Variants in MED17 observed in about 807,000 individuals in gnomAD.
MED17 encodes mediator of RNA polymerase II transcription subunit 17.
MED17 carries 49 observed loss-of-function variants against 80.8 expected under a neutral mutation model. The observed-to-expected ratio is 0.61, with a 90% CI of 0.48 to 0.77. MED17 has a LOEUF of 0.77. Ranked by LOEUF, MED17 falls within the 30% of genes least tolerant of loss-of-function variation. The pLI is 0.00. For missense variants in MED17, 718 were observed against 787.0 expected (o/e 0.91, Z 1.05); for synonymous variants, 281 against 280.4 (o/e 1.00, Z -0.02).
chr11:93,785,063 G>A lies in MED17; in HGVS notation c.250+300G>A, dbSNP rs542162878. ...GGCCTTTAATGTAGCACACTTAGTG[G>A]CTAAAAGAGCCCTAGATCGGGGCTC... On this transcript the variant is annotated intron_variant, in intron 1 of 11. Transcript: ENST00000251871. 11 of 488,598 alleles carry A rather than the reference G, an allele frequency of 2.3e-5. No individual in the cohort carries two copies. In the East Asian group the frequency reaches 4.1e-4, roughly 18 times the overall value. 30.3% of individuals were successfully genotyped at this position (488,598 alleles called of 1,614,324 possible). A position where few individuals can be genotyped will look rare whatever the true frequency, so the allele number is the denominator to read the frequency against.
intron 3 of MED17, among the ~76,000 whole-genome samples, chr11:93,791,540 A>G (rs973165018): frequency 1.3e-5 from 2 of 152,084 alleles, no homozygotes; most frequent in South Asian, 4.1e-4. Context: ...CTTCATCTCT[A>G]CAAAAAATAC....
chr11:93,790,577 C>A lies in MED17; in HGVS notation c.421C>A (p.Pro141Thr). The stretch of plus-strand genomic sequence containing the variant: ...ATGTTTGGGTTGTTTTTGACAGAAT[C>A]CTCAGACGTTGCAATTGATATCTAA... ...SQDALPPKQN[P>T]QTLQLISKKK... Residue 141 changes from proline (P) to threonine (T), a missense_variant, in exon 3 of 12, where the codon CCT (proline) becomes ACT (threonine). Pro to Thr is a conservative substitution (Grantham distance 38). Transcript: ENST00000251871. The A allele has an allele frequency of 6.2e-7, 1 of 1,613,662 alleles. No homozygotes were observed. Among genetic ancestry groups the A allele is most frequent in the South Asian group, 1.1e-5 (1 of 91,012 alleles).
At chr11:93,794,887 C>T (rs762043140) in intron 5 of MED17, 21 bp from the exon 6 acceptor site, 10 of 1,611,780 alleles carry the variant, frequency 6.2e-6, no homozygotes, top group Non-Finnish European at 6.8e-6. Flanking sequence ...ATAATTGATA[C>T]ATATATTTCT....
chr11:93,795,181 CCATAG>C, intron 6 of MED17, 121 bp downstream of exon 6: 2 of 1,085,292 alleles, frequency 1.8e-6, no homozygotes, highest in Admixed American at 3.4e-5. Flanking sequence ...AGTGTGCTAT[CCATAG>C]TGACAGCCAG....
chr11:93,797,500 TG>T, intron 7 of MED17, 34 bp from the exon 8 acceptor site: 1 of 1,561,632 alleles, frequency 6.4e-7, no homozygotes, highest in Non-Finnish European at 8.8e-7. Context: ...ATTTACTATG[TG>T]GATATTGGTA....
intron 9 of MED17, among the ~76,000 whole-genome samples, chr11:93,803,945 A>G (rs1178110881): frequency 6.7e-6 from 1 of 149,730 alleles, no homozygotes; most frequent in Non-Finnish European, 1.5e-5. Flanking sequence ...AGAGGGACAG[A>G]ACTAATGGAA....
intron 3 of MED17, chr11:93,793,486 T>C (rs547443118): frequency 2.2e-5 from 9 of 412,014 alleles, no homozygotes; most frequent in African/African-American, 1.0e-4. Flanking sequence ...GGAATTCTTA[T>C]TATGTTGATG....
chr11:93,804,946 G>A (rs1043793484), intron 9 of MED17, among the ~76,000 whole-genome samples: 7 of 152,224 alleles, frequency 4.6e-5, no homozygotes, highest in Non-Finnish European at 7.3e-5. Context: ...TTACAGAGTA[G>A]TAGACCCTTT....
At chr11:93,807,871 T>G in intron 10 of MED17, 1 of 525,736 alleles carries the variant, frequency 1.9e-6, no homozygotes, top group East Asian at 3.5e-5. Flanking sequence ...GAAGGACCAG[T>G]TCTGAGACTA....
chr11:93,806,416 A>G (rs191337292), intron 9 of MED17: 2 of 152,294 alleles, frequency 1.3e-5, no homozygotes, highest in East Asian at 1.9e-4. Flanking sequence ...TTGTTCATCT[A>G]GGTTATTAGG....
chr11:93,799,665 A>G (rs992922902), intron 8 of MED17, among the ~76,000 whole-genome samples: 2 of 152,198 alleles, frequency 1.3e-5, no homozygotes, highest in Non-Finnish European at 2.9e-5. Flanking sequence ...AGTCCCAGCT[A>G]CTTGGGAGGC....
At chr11:93,804,645 T>A (rs562240577) in intron 9 of MED17, among the ~76,000 whole-genome samples, 4 of 152,204 alleles carry the variant, frequency 2.6e-5, no homozygotes, top group Non-Finnish European at 4.4e-5. Flanking sequence ...TAACCCTACC[T>A]GTCTTACAGA....
intron 10 of MED17, 124 bp from the exon 11 acceptor site, chr11:93,809,593 C>G: frequency 1.0e-6 from 1 of 979,270 alleles, no homozygotes; most frequent in Non-Finnish European, 1.6e-6. Context: ...ATTCCTCAGA[C>G]CTAAGATAGG....
intron 6 of MED17, 116 bp from the exon 7 acceptor site, chr11:93,796,294 C>T: frequency 9.4e-7 from 1 of 1,062,370 alleles, no homozygotes; most frequent in Non-Finnish European, 1.4e-6. Flanking sequence ...GAGGTCTGAT[C>T]TTCAAGTTTA....
intron 9 of MED17, among the ~76,000 whole-genome samples, chr11:93,804,814 G>T (rs1399696525): frequency 6.6e-6 from 1 of 152,074 alleles, no homozygotes; most frequent in East Asian, 1.9e-4. Flanking sequence ...CTACATATTA[G>T]CAGTCATTTG....
intron 8 of MED17, among the ~76,000 whole-genome samples, chr11:93,799,723 C>A (rs1943941801): frequency 6.6e-6 from 1 of 152,216 alleles, no homozygotes; most frequent in South Asian, 2.1e-4. Context: ...CTGCAGTGAG[C>A]TGTGATCACA....
chr11:93,800,335 AT>A (rs1023467081), intron 8 of MED17, among the ~76,000 whole-genome samples: 89 of 151,700 alleles, frequency 5.9e-4, no homozygotes, highest in Non-Finnish European at 1.8e-4. Flanking sequence ...TATTTTTTTA[AT>A]TTTGAGGTGA....
rs980780491 is a variant in MED17 at position 93,805,765 on chromosome 11, G to A, written c.1467-1753G>A. Among the ~76,000 whole-genome samples the A allele has an allele frequency of 2.5e-4, 38 of 151,928 alleles. 1 individual carries two copies. The highest frequency in any genetic ancestry group is 2.3e-3 in the Admixed American group (35 of 15,212). ...TATATCTTCAAGCCTTTTGAGTTTC[G>A]TTTTTCTTTGAGAAAACAATGTAAA... On this transcript the variant is annotated intron_variant, in intron 9 of 11. Coordinates refer to ENST00000251871, the MANE Select transcript of MED17 (RefSeq NM_004268.5).
In MED17 at chr11:93,784,327, T is replaced by G. The variant is rs1591380293; in HGVS notation, c.-187T>G. On this transcript the variant is annotated 5_prime_UTR_variant, in exon 1 of 12. Coordinates refer to ENST00000251871, the MANE Select transcript of MED17 (RefSeq NM_004268.5). Reference sequence around the variant, plus strand: ...ACCGAGGAGGGAGCTTGCGGTGCGTTCTGGGAAAGTTGCTGGGCCAGCTCC... The same window carrying G: ...ACCGAGGAGGGAGCTTGCGGTGCGTGCTGGGAAAGTTGCTGGGCCAGCTCC... 2 of 753,784 alleles carry G rather than the reference T, an allele frequency of 2.7e-6. No individual in the cohort carries two copies. The highest frequency in any genetic ancestry group is 5.7e-5 in the East Asian group (2 of 35,370). 46.7% of individuals were successfully genotyped at this position (753,784 alleles called of 1,614,324 possible).
Sources: gnomAD v4.1 joint callset for allele counts (sites outside exome capture counted in the v4.1 genomes callset) on GRCh38, gnomAD v4.1.1 for gene constraint, MANE v1.5 for transcripts, NCBI Gene and HGNC (gene_info 2026-07-23, HGNC 2026-07-21) for gene names.